PCDHGA2: variants seen among roughly 807,000 people sequenced by gnomAD.
PCDHGA2 encodes the protein protocadherin gamma subfamily A, 2.
A neutral mutation model predicts 59.2 loss-of-function variants in PCDHGA2; 40 were observed. The ratio of observed to expected loss-of-function variants is 0.68; its 90% CI spans 0.52 to 0.88. The LOEUF is 0.88. PCDHGA2 is among the 40% of genes least tolerant of loss of function. PCDHGA2 has a pLI of 0.00. For synonymous variants in PCDHGA2, 560 were observed against 526.0 expected (o/e 1.06, Z -0.89); for missense variants, 1,226 against 1,204.0 (o/e 1.02, Z -0.27).
Position 141,491,574 on chromosome 5 carries a change from T to G in PCDHGA2, c.2425-3233T>G. Reference sequence around the variant, plus strand: ...AGAGCCACTGCTACAGGACGTGCTTTTCACCGGCCTCGGACGGCAGTGACT... The same window carrying G: ...AGAGCCACTGCTACAGGACGTGCTTGTCACCGGCCTCGGACGGCAGTGACT... On this transcript the variant is annotated intron_variant, in intron 1 of 3. Transcript: ENST00000394576. This position sits in a 1 kb window ranked among gnomAD's most constrained non-coding sequence, Gnocchi z 6.9. The G allele has an allele frequency of 6.2e-7, 1 of 1,613,956 alleles. No homozygotes were observed. Among genetic ancestry groups the G allele is most frequent in the Non-Finnish European group, 8.5e-7 (1 of 1,180,032 alleles).
chr5:141,399,711 A>G (rs1232938340), intron 1 of PCDHGA2: 5 of 1,613,236 alleles, frequency 3.1e-6, no homozygotes, highest in African/African-American at 1.3e-5. Context: ...AACTCACACT[A>G]CAGGCCCGCG....
At chr5:141,416,119 T>G (rs930613185) in intron 1 of PCDHGA2, 1 of 155,364 alleles carries the variant, frequency 6.4e-6, no homozygotes, top group Admixed American at 6.5e-5. Flanking sequence ...AACTACATTT[T>G]ATATATTTTT....
At chr5:141,420,190 A>T in intron 1 of PCDHGA2, 3 of 1,613,922 alleles carry the variant, frequency 1.9e-6, no homozygotes, top group Non-Finnish European at 2.5e-6. Flanking sequence ...GTCCAGCCAC[A>T]CAAGATAACC....
intron 1 of PCDHGA2, chr5:141,357,610 C>A: frequency 6.2e-7 from 1 of 1,613,906 alleles, no homozygotes. Flanking sequence ...AAAAGGAGAC[C>A]CTAATCTTCA....
intron 1 of PCDHGA2, among the ~76,000 whole-genome samples, chr5:141,436,290 T>C (rs2097808305): frequency 6.6e-6 from 1 of 152,164 alleles, no homozygotes; most frequent in Non-Finnish European, 1.5e-5. Flanking sequence ...GAACAAATCA[T>C]TGAGAGTTAG....
chr5:141,508,334 C>T (rs1323577321), intron 3 of PCDHGA2: 2 of 151,150 alleles, frequency 1.3e-5, no homozygotes, highest in African/African-American at 4.9e-5. Flanking sequence ...GGAGAACTGA[C>T]TCTACAGAAA....
chr5:141,385,265 A>G lies in PCDHGA2; in HGVS notation c.2424+43870A>G. Reference sequence around the variant, plus strand: ...AGCCAGGAGAGCTGTGAGAAAAATGATTCTTTGCTAACATCCGTAGATTTT... The same window carrying G: ...AGCCAGGAGAGCTGTGAGAAAAATGGTTCTTTGCTAACATCCGTAGATTTT... On this transcript the variant is annotated intron_variant, in intron 1 of 3. Transcript: ENST00000394576. 1.2e-6 allele frequency: 2 copies of G among 1,613,710 alleles called. No individual in the cohort carries two copies. Among genetic ancestry groups the G allele is most frequent in the Non-Finnish European group, 1.7e-6 (2 of 1,179,576 alleles).
chr5:141,490,346 TG>T lies in PCDHGA2; in HGVS notation c.2425-4457del, dbSNP rs1458588422. ...GAGAGCACACCAGTGGGCACAGTAG[TG>T]GGGTTGTTTAATGTGCGAGACCGGG... On this transcript the variant is annotated intron_variant, in intron 1 of 3. Coordinates refer to ENST00000394576, the MANE Select transcript of PCDHGA2 (RefSeq NM_018915.4). The surrounding 1 kb of genome is among the most constrained non-coding windows in gnomAD (Gnocchi z 5.4). 1.2e-6 allele frequency: 2 copies of T among 1,614,164 alleles called. No individual in the cohort carries two copies. The highest frequency in any genetic ancestry group is 3.3e-5 in the Admixed American group (2 of 60,032).
intron 1 of PCDHGA2, among the ~76,000 whole-genome samples, chr5:141,465,319 T>A (rs184635197): frequency 4.6e-5 from 7 of 152,324 alleles, no homozygotes; most frequent in Admixed American, 1.3e-4. Flanking sequence ...GCCATGTCAA[T>A]GCAGTATTTT....
At position 141,493,323 on chromosome 5, in the gene PCDHGA2, C is replaced by T. The variant is rs542332335; in HGVS notation, c.2425-1484C>T. Among the ~76,000 whole-genome samples the T allele has an allele frequency of 6.6e-6, 1 of 152,294 alleles. No homozygotes were observed. The highest frequency in any genetic ancestry group is 6.5e-5 in the Admixed American group (1 of 15,300). On this transcript the variant is annotated intron_variant, in intron 1 of 3. Transcript: ENST00000394576. The surrounding 1 kb of genome is among the most constrained non-coding windows in gnomAD (Gnocchi z 4.3). ...AGAGCAAGTAAGAGAGATTCTAACC[C>T]CTGTCTAACTCCAGAATGTGTGCTT...
chr5:141,396,595 G>C (rs1227428439), intron 1 of PCDHGA2: 1 of 151,972 alleles, frequency 6.6e-6, no homozygotes, highest in African/African-American at 2.4e-5. Flanking sequence ...ACTCCAGCCT[G>C]GGCAACAGGG....
At chr5:141,478,165 C>T (rs780594020) in intron 1 of PCDHGA2, 18 of 1,613,920 alleles carry the variant, frequency 1.1e-5, no homozygotes, top group Non-Finnish European at 1.5e-5. Context: ...GCTCTGCCCC[C>T]CGGGAGCAGA....
At chr5:141,422,149 C>G in intron 1 of PCDHGA2, 1 of 1,577,238 alleles carries the variant, frequency 6.3e-7, no homozygotes. Context: ...ACGGGGGTCT[C>G]TGGATTTTGA....
At position 141,511,248 on chromosome 5, in the gene PCDHGA2, C is replaced by T; in HGVS notation, c.*75C>T. ...AGCTTCTCCTTACCTGCACCCAGGC[C>T]TCAGAGTTTCAGGGCTAACCCCCAG... On this transcript the variant is annotated 3_prime_UTR_variant, in exon 4 of 4. Transcript: ENST00000394576. 6.4e-7 allele frequency: 1 copy of T among 1,574,736 alleles called. No homozygotes were observed. The highest frequency in any genetic ancestry group is 8.6e-7 in the Non-Finnish European group (1 of 1,160,336).
intron 1 of PCDHGA2, chr5:141,350,786 T>C (rs1758560057): frequency 1.9e-6 from 3 of 1,613,872 alleles, no homozygotes; most frequent in South Asian, 1.1e-5. Context: ...TCAATACTTC[T>C]CTCTGTCAAC....
chr5:141,420,405 T>C (rs1188012975), intron 1 of PCDHGA2: 7 of 1,241,232 alleles, frequency 5.6e-6, no homozygotes, highest in East Asian at 5.7e-5. Flanking sequence ...AAATTTATGG[T>C]TATCATTATT....
In PCDHGA2 at chr5:141,491,105, C is replaced by T; in HGVS notation, c.2425-3702C>T. ...ACAGCCCCAGGACTGTTCCTCGTGTCTACACACACTGGTGAGGTGCGCACA... is the reference window on the plus strand; with the variant it reads ...ACAGCCCCAGGACTGTTCCTCGTGTTTACACACACTGGTGAGGTGCGCACA... On this transcript the variant is annotated intron_variant, in intron 1 of 3. Transcript: ENST00000394576. This position sits in a 1 kb window ranked among gnomAD's most constrained non-coding sequence, Gnocchi z 6.9. 1 of 1,614,222 alleles carries T rather than the reference C, an allele frequency of 6.2e-7. No individual in the cohort carries two copies. Among genetic ancestry groups the T allele is most frequent in the Non-Finnish European group, 8.5e-7 (1 of 1,180,032 alleles).
chr5:141,433,634 G>T (rs2097636752), intron 1 of PCDHGA2, among the ~76,000 whole-genome samples: 1 of 152,078 alleles, frequency 6.6e-6, no homozygotes, highest in Admixed American at 6.5e-5. Flanking sequence ...TTGGGAGTTT[G>T]AGACCAGCCT....
Position 141,340,973 on chromosome 5 carries a change from A to G in PCDHGA2, c.2002A>G (p.Ile668Val), listed in dbSNP as rs1170878045. ...GCTCACCGTGGCCGTGGCCGACAGG[A>G]TCCCCGACATCCTGGCCGACCTGGG... Reference protein sequence around the residue: ...VTLTVAVADRIPDILADLGSL... With the variant: ...VTLTVAVADRVPDILADLGSL... Residue 668 changes from isoleucine to valine, a missense_variant, in exon 1 of 4, where the codon ATC becomes GTC. Ile to Val is a conservative substitution (Grantham distance 29). Coordinates refer to ENST00000394576, the MANE Select transcript of PCDHGA2 (RefSeq NM_018915.4). The G allele has an allele frequency of 6.2e-7, 1 of 1,613,664 alleles. No homozygotes were observed. Among genetic ancestry groups the G allele is most frequent in the African/African-American group, 1.3e-5 (1 of 74,898 alleles).
Sources: gnomAD v4.1 joint callset for allele counts (sites outside exome capture counted in the v4.1 genomes callset) on GRCh38, gnomAD v4.1.1 for gene constraint, Gnocchi (gnomAD v3.1) non-coding constraint, MANE v1.5 for transcripts, NCBI Gene and HGNC (gene_info 2026-07-23, HGNC 2026-07-21) for gene names.